FAM124A: variants seen among roughly 807,000 people sequenced by gnomAD.
The protein encoded by FAM124A is family with sequence similarity 124 member A, also known as protein FAM124A.
Under a neutral mutation model 24.5 loss-of-function variants are expected in FAM124A, and 23 were observed. The ratio of observed to expected loss-of-function variants is 0.94; its 90% CI spans 0.68 to 1.33. The LOEUF is 1.33. FAM124A is among the 40% of genes most tolerant of loss of function. The pLI, the probability that FAM124A is intolerant of heterozygous loss-of-function variation, is 0.00. For synonymous variants in FAM124A, 287 were observed against 314.7 expected, an observed-to-expected ratio of 0.91 and a Z score of 0.93; for missense variants, 623 against 722.8, an observed-to-expected ratio of 0.86 and a Z score of 1.58.
chr13:51,228,144 T>A (rs1238549476), intron 1 of FAM124A, among the ~76,000 whole-genome samples: 1 of 151,580 alleles, frequency 6.6e-6, no homozygotes, highest in East Asian at 1.9e-4. Context: ...TTTACAGGAA[T>A]GCCAAGATCA....
intron 2 of FAM124A, among the ~76,000 whole-genome samples, chr13:51,247,294 G>C (rs1385964493): frequency 6.6e-6 from 1 of 152,220 alleles, no homozygotes; most frequent in Non-Finnish European, 1.5e-5. Context: ...CAGAGCCTGG[G>C]CTGATGGTGC....
Position 51,245,366 on chromosome 13 carries a change from G to T in FAM124A, c.101-6102G>T, listed in dbSNP as rs771435306. The T allele has an allele frequency of 2.9e-6, 2 of 697,668 alleles. 1 individual carries two copies. The highest frequency in any genetic ancestry group is 3.1e-5 in the South Asian group (2 of 65,330). The allele number at this position is 697,668 out of a possible 1,614,324, so 43.2% of individuals were successfully genotyped here. A position where few individuals can be genotyped will look rare whatever the true frequency, so the allele number is the denominator to read the frequency against. ...TGCCTGTTCCTTTACTGTACACACG[G>T]TGACAAAGAAAAGGGAAGATGGAGC... is the stretch of plus-strand genomic sequence containing the variant. On this transcript the variant is annotated intron_variant, in intron 2 of 3. Transcript: ENST00000322475.
At chr13:51,243,489 A>G (rs1954523115) in intron 2 of FAM124A, among the ~76,000 whole-genome samples, 1 of 151,996 alleles carries the variant, frequency 6.6e-6, no homozygotes, top group Admixed American at 6.6e-5. Flanking sequence ...CGTCACCCAG[A>G]GCCTTTTTCC....
At chr13:51,249,784 T>C (rs1175828461) in intron 2 of FAM124A, among the ~76,000 whole-genome samples, 1 of 152,230 alleles carries the variant, frequency 6.6e-6, no homozygotes, top group Admixed American at 6.5e-5. Context: ...TACTTTTTGA[T>C]GTTTGTGTTT....
chr13:51,237,518 T>TG (rs1351613048), intron 2 of FAM124A, among the ~76,000 whole-genome samples: 1 of 152,074 alleles, frequency 6.6e-6, no homozygotes, highest in East Asian at 1.9e-4. Context: ...GGGTGAGCTG[T>TG]GGCACAGCTG....
chr13:51,260,154 A>G lies in FAM124A; in HGVS notation c.834+7953A>G, dbSNP rs544724549. Among the ~76,000 whole-genome samples, 4 of 152,298 alleles carry G rather than the reference A, an allele frequency of 2.6e-5. No individual in the cohort carries two copies. The South Asian group carries it at 6.2e-4, about 24-fold the overall frequency. ...TGAAAGCAGGGCCAGAGAGTAAAGC[A>G]GATTGTGAGGTGGCCATCCTGTACC... On this transcript the variant is annotated intron_variant, in intron 3 of 3. Transcript: ENST00000322475.
intron 3 of FAM124A, among the ~76,000 whole-genome samples, chr13:51,274,699 T>C (rs1434343164): frequency 1.3e-5 from 2 of 152,230 alleles, no homozygotes; most frequent in African/African-American, 4.8e-5. Context: ...TACCTTAAGT[T>C]ATTTTAGAAG....
At chr13:51,246,949 T>C (rs549991071) in intron 2 of FAM124A, among the ~76,000 whole-genome samples, 3 of 152,348 alleles carry the variant, frequency 2.0e-5, no homozygotes, top group Non-Finnish European at 2.9e-5. Flanking sequence ...CTGTTATGCA[T>C]TCCTTTCACT....
intron 2 of FAM124A, among the ~76,000 whole-genome samples, chr13:51,231,924 G>T (rs2137649098): frequency 6.6e-6 from 1 of 152,186 alleles, no homozygotes; most frequent in Middle Eastern, 3.4e-3. Flanking sequence ...AACCTACATT[G>T]GTTATACATG....
intron 3 of FAM124A, among the ~76,000 whole-genome samples, chr13:51,261,249 A>C (rs1180818368): frequency 1.3e-5 from 2 of 152,152 alleles, no homozygotes; most frequent in African/African-American, 4.8e-5. Context: ...ACACCTGCGA[A>C]CAGCAGGCTA....
rs1329803459 is a variant in FAM124A, at chr13:51,251,563, G to A, written c.196G>A (p.Asp66Asn). The change falls in exon 3 of 4, where the codon GAC (aspartate) becomes AAC (asparagine). Residue 66 changes from aspartate to asparagine, a missense_variant. Coordinates refer to ENST00000322475, the MANE Select transcript of FAM124A (RefSeq NM_001242312.2). The surrounding 1 kb of genome is among the most constrained non-coding windows in gnomAD (Gnocchi z 5.3). ...GTCCCAGCCCCTGCAGGAGGCCATC[G>A]ACAACGTCCTGGCGTGGATCCACCC... is the stretch of plus-strand genomic sequence containing the variant. ...GESQPLQEAIDNVLAWIHPDL... is the reference protein window; with the variant it reads ...GESQPLQEAINNVLAWIHPDL... 5 of 1,535,682 alleles carry A rather than the reference G, an allele frequency of 3.3e-6. No homozygotes were observed. Among genetic ancestry groups the A allele is most frequent in the South Asian group, 2.5e-5 (2 of 79,626 alleles).
chr13:51,273,138 T>C (rs576200630), intron 3 of FAM124A, among the ~76,000 whole-genome samples: 2 of 152,336 alleles, frequency 1.3e-5, no homozygotes, highest in East Asian at 3.9e-4. Context: ...AAGGGCATTA[T>C]ATTTTCATAA....
At position 51,272,872 on chromosome 13, in the gene FAM124A, C is replaced by T. The variant is rs1280953170; in HGVS notation, c.835-7578C>T. Among the ~76,000 whole-genome samples, 2 of 152,196 alleles carry T rather than the reference C, an allele frequency of 1.3e-5. No individual in the cohort carries two copies. The highest frequency in any genetic ancestry group is 2.9e-5 in the Non-Finnish European group (2 of 68,030). On this transcript the variant is annotated intron_variant, in intron 3 of 3. Coordinates refer to ENST00000322475, the MANE Select transcript of FAM124A (RefSeq NM_001242312.2). The surrounding 1 kb of genome is among the most constrained non-coding windows in gnomAD (Gnocchi z 4.2). ...GTCCCCTCTCGGGAGAACTGGGAGG[C>T]TAGTGGCTGCCAAATCAGACAGCAC...
At position 51,252,109 on chromosome 13, in the gene FAM124A, G is replaced by C. The variant is rs774168466; in HGVS notation, c.742G>C (p.Glu248Gln). 9 of 1,613,938 alleles carry C rather than the reference G, an allele frequency of 5.6e-6. No individual in the cohort carries two copies. In the East Asian group the frequency reaches 2.0e-4, roughly 36 times the overall value. The change falls in exon 3 of 4, where the codon GAG (glutamate) becomes CAG (glutamine). Residue 248 changes from glutamate (E) to glutamine (Q), a missense_variant. Glu to Gln is a conservative substitution (Grantham distance 29). Transcript: ENST00000322475. ...VLEFRVRDIG[E>Q]LVPLLPNPCS... is the part of the protein sequence containing the mutation. ...GGAGTTCCGAGTGAGGGACATAGGCGAGCTCGTGCCTCTCCTGCCCAACCC... is the reference window on the plus strand; with the variant it reads ...GGAGTTCCGAGTGAGGGACATAGGCCAGCTCGTGCCTCTCCTGCCCAACCC...
intron 3 of FAM124A, among the ~76,000 whole-genome samples, chr13:51,264,620 G>A (rs1164966555): frequency 6.6e-6 from 1 of 151,698 alleles, no homozygotes; most frequent in Non-Finnish European, 1.5e-5. Flanking sequence ...GGACAACACA[G>A]CAAGACCATA....
rs1006064 is a variant in FAM124A at position 51,272,469 on chromosome 13, T to C, written c.835-7981T>C. Among the ~76,000 whole-genome samples the C allele has an allele frequency of 0.45, 68,673 of 151,722 alleles. 17,669 individuals carry two copies. The highest frequency in any genetic ancestry group is 0.7 in the African/African-American group (29,064 of 41,346). On this transcript the variant is annotated intron_variant, in intron 3 of 3. Coordinates refer to ENST00000322475, the MANE Select transcript of FAM124A (RefSeq NM_001242312.2). The surrounding 1 kb of genome is among the most constrained non-coding windows in gnomAD (Gnocchi z 4.2). ...CTAGATGAGAGAGTGGAAAAATTGG[T>C]TTAGAAGTTTGTACAGAAAGCAATT...
At chr13:51,271,251 T>C (rs1593609807) in intron 3 of FAM124A, among the ~76,000 whole-genome samples, 1 of 152,194 alleles carries the variant, frequency 6.6e-6, no homozygotes. Flanking sequence ...TCACTGCACA[T>C]TATACAGGGC....
intron 3 of FAM124A, among the ~76,000 whole-genome samples, chr13:51,256,628 T>C (rs946151694): frequency 6.6e-6 from 1 of 152,204 alleles, no homozygotes; most frequent in South Asian, 2.1e-4. Context: ...CAGATGCCAC[T>C]GGGGATGTGA....
chr13:51,255,443 C>T (rs1258150785), intron 3 of FAM124A, among the ~76,000 whole-genome samples: 4 of 152,180 alleles, frequency 2.6e-5, no homozygotes, highest in South Asian at 2.1e-4. Flanking sequence ...TTTTCCTTAT[C>T]GCAGAAAGTT....
Sources: allele counts gnomAD v4.1 joint callset (sites outside exome capture counted in the v4.1 genomes callset), GRCh38; gene constraint gnomAD v4.1.1; non-coding constraint Gnocchi (gnomAD v3.1); transcripts MANE v1.5; gene names NCBI Gene and HGNC (gene_info 2026-07-23, HGNC 2026-07-21).